Variants in PDE4D observed in about 807,000 individuals in gnomAD.
PDE4D encodes 3',5'-cyclic-AMP phosphodiesterase 4D.
A neutral mutation model predicts 87.4 loss-of-function variants in PDE4D; 24 were observed. That is an observed-to-expected ratio of 0.27 (90% confidence interval 0.20 to 0.39). PDE4D has a LOEUF of 0.39. Among genes scored for constraint, PDE4D ranks in the 10% least tolerant of loss-of-function variants. The pLI, the probability that PDE4D is intolerant of heterozygous loss-of-function variation, is 1.00. For synonymous variants in PDE4D, 384 were observed against 383.2 expected, an observed-to-expected ratio of 1.00 and a Z score of -0.02; for missense variants, 714 against 1,041.0, an observed-to-expected ratio of 0.69 and a Z score of 4.32.
At chr5:60,441,372 AC>A (rs1745197612) in intron 1 of PDE4D, among the ~76,000 whole-genome samples, 1 of 152,180 alleles carries the variant, frequency 6.6e-6, no homozygotes, top group South Asian at 2.1e-4. Context: ...TGTTGGGAAA[AC>A]TGGCTAGCCA....
chr5:60,255,462 A>T (rs1748947341), intron 1 of PDE4D, among the ~76,000 whole-genome samples: 1 of 151,838 alleles, frequency 6.6e-6, no homozygotes, highest in Non-Finnish European at 1.5e-5. Context: ...ATCCTAAAAA[A>T]CTTTTCAGTA....
At chr5:59,329,345 T>C (rs1776297013) in intron 1 of PDE4D, among the ~76,000 whole-genome samples, 1 of 152,162 alleles carries the variant, frequency 6.6e-6, no homozygotes, top group South Asian at 2.1e-4. Flanking sequence ...CATGGAATCA[T>C]TTGCTAGGAA....
At chr5:59,957,098 C>G (rs923196266) in intron 3 of PDE4D, among the ~76,000 whole-genome samples, 1 of 152,206 alleles carries the variant, frequency 6.6e-6, no homozygotes, top group Non-Finnish European at 1.5e-5. Flanking sequence ...AACATCCCTA[C>G]TTAAGAAACC....
chr5:60,363,685 C>A (rs1760278168), intron 1 of PDE4D, among the ~76,000 whole-genome samples: 1 of 152,108 alleles, frequency 6.6e-6, no homozygotes, highest in Non-Finnish European at 1.5e-5. Flanking sequence ...CAGAGGAGAC[C>A]TCTCTAAGAA....
chr5:59,323,051 C>T lies in PDE4D; in HGVS notation c.456-107083G>A, dbSNP rs191362822. Among the ~76,000 whole-genome samples, 78 of 152,154 alleles carry T rather than the reference C, an allele frequency of 5.1e-4. 1 individual carries two copies. Among genetic ancestry groups the T allele is most frequent in the Admixed American group, 7.9e-4 (12 of 15,274 alleles). On this transcript the variant is annotated intron_variant, in intron 1 of 14. Transcript: ENST00000340635. ...TCTCTTGGAATCTCAACAGTTCTGACTAATTCAACTAATCCCTAACCTTTC... is the reference window on the plus strand; with the variant it reads ...TCTCTTGGAATCTCAACAGTTCTGATTAATTCAACTAATCCCTAACCTTTC...
chr5:59,223,198 A>T (rs947167866), intron 1 of PDE4D, among the ~76,000 whole-genome samples: 1 of 151,278 alleles, frequency 6.6e-6, no homozygotes, highest in Non-Finnish European at 1.5e-5. Flanking sequence ...GAGGGTGGAG[A>T]CTGCTGATTT....
rs1743456657 is a variant in PDE4D, at chr5:60,213,257, GC to G, written c.-89-27571del. Among the ~76,000 whole-genome samples, 4 of 152,158 alleles carry G rather than the reference GC, an allele frequency of 2.6e-5. No homozygotes were observed. The South Asian group carries it at 8.3e-4, about 32-fold the overall frequency. ...GCTGGCAGACAGAAGCGAAGCAGGG[GC>G]TATTTTCCTATTGCTTTGGTTATTG... On this transcript the variant is annotated intron_variant, in intron 1 of 16. Transcript: ENST00000502484.
intron 1 of PDE4D, among the ~76,000 whole-genome samples, chr5:59,841,775 C>T (rs934054033): frequency 6.6e-6 from 1 of 151,940 alleles, no homozygotes; most frequent in Non-Finnish European, 1.5e-5. Flanking sequence ...CTTAAATAAA[C>T]AGTAGAAGTT....
intron 5 of PDE4D, among the ~76,000 whole-genome samples, chr5:59,078,924 C>T (rs1163412822): frequency 6.6e-6 from 1 of 152,110 alleles, no homozygotes; most frequent in Non-Finnish European, 1.5e-5. Context: ...GACGTTTGGT[C>T]CCCTTTCCTC....
intron 5 of PDE4D, among the ~76,000 whole-genome samples, chr5:59,131,523 C>T (rs972009275): frequency 2.6e-5 from 4 of 151,658 alleles, no homozygotes; most frequent in Non-Finnish European, 4.4e-5. Flanking sequence ...CTGAACAGCA[C>T]GGGCGTGTGG....
chr5:59,411,078 G>A (rs925739757), intron 1 of PDE4D, among the ~76,000 whole-genome samples: 1 of 152,142 alleles, frequency 6.6e-6, no homozygotes, highest in Non-Finnish European at 1.5e-5. Flanking sequence ...GCTGAGCAGG[G>A]TGAGAGGAGA....
intron 1 of PDE4D, among the ~76,000 whole-genome samples, chr5:59,274,113 T>G (rs557211855): frequency 1.3e-5 from 2 of 152,292 alleles, no homozygotes; most frequent in Non-Finnish European, 2.9e-5. Context: ...TTAAGGATTT[T>G]CCAGTATTTA....
chr5:59,968,992 C>T (rs73761075), intron 3 of PDE4D, among the ~76,000 whole-genome samples: 24,579 of 106,598 alleles, frequency 0.23, 2,645 homozygotes, highest in African/African-American at 0.37. Context: ...AGAAAAGGCA[C>T]CCCCCCCCCG....
At chr5:59,044,068 C>A (rs952174380) in intron 5 of PDE4D, among the ~76,000 whole-genome samples, 1 of 152,146 alleles carries the variant, frequency 6.6e-6, no homozygotes, top group African/African-American at 2.4e-5. Flanking sequence ...TGGGTATATA[C>A]CCAGTAATGG....
At chr5:59,791,974 A>G (rs1765844245) in intron 1 of PDE4D, among the ~76,000 whole-genome samples, 1 of 152,222 alleles carries the variant, frequency 6.6e-6, no homozygotes, top group Non-Finnish European at 1.5e-5. Context: ...CACTGCAACT[A>G]AAGTATTTTC....
chr5:60,267,353 A>C (rs1442421318), intron 1 of PDE4D, among the ~76,000 whole-genome samples: 1 of 152,212 alleles, frequency 6.6e-6, no homozygotes, highest in East Asian at 1.9e-4. Context: ...TATTAATGAG[A>C]TCATAGTATA....
intron 2 of PDE4D, among the ~76,000 whole-genome samples, chr5:60,040,900 C>A (rs1218383714): frequency 2.0e-5 from 3 of 152,104 alleles, no homozygotes; most frequent in East Asian, 3.9e-4. Context: ...ATTAAGTGAG[C>A]CCGAATTCTT....
intron 1 of PDE4D, among the ~76,000 whole-genome samples, chr5:59,613,150 G>T (rs1048170515): frequency 1.3e-5 from 2 of 152,100 alleles, no homozygotes; most frequent in Non-Finnish European, 2.9e-5. Flanking sequence ...CCATGGTGAT[G>T]GTGAGAAATG....
At chr5:59,417,810 T>C (rs1793854226) in intron 1 of PDE4D, among the ~76,000 whole-genome samples, 1 of 152,218 alleles carries the variant, frequency 6.6e-6, no homozygotes, top group African/African-American at 2.4e-5. Flanking sequence ...GAGGATGTAA[T>C]AGTAGGGCAG....
Sources: gnomAD v4.1 joint callset for allele counts (sites outside exome capture counted in the v4.1 genomes callset) on GRCh38, gnomAD v4.1.1 for gene constraint, MANE v1.5 for transcripts, NCBI Gene and HGNC (gene_info 2026-07-23, HGNC 2026-07-21) for gene names.